CHCHD6: variants seen among roughly 807,000 people sequenced by gnomAD.
The protein encoded by CHCHD6 is MICOS complex subunit MIC25.
Under a neutral mutation model 32.3 loss-of-function variants are expected in CHCHD6, and 28 were observed. That is an observed-to-expected ratio of 0.87 (90% CI 0.64 to 1.19). The LOEUF is 1.19. CHCHD6 is among the 50% of genes most tolerant of loss of function. The probability of loss-of-function intolerance (pLI) is 0.00; values close to 1 mark genes in which losing one functional copy is unlikely to be tolerated. For synonymous variants in CHCHD6, 122 were observed against 117.5 expected (o/e 1.04, Z -0.25); for missense variants, 333 against 307.0 (o/e 1.08, Z -0.63).
chr3:126,941,046 A>G (rs1338226966), intron 6 of CHCHD6, among the ~76,000 whole-genome samples: 1 of 152,166 alleles, frequency 6.6e-6, no homozygotes, highest in African/African-American at 2.4e-5. Flanking sequence ...TTTTGTTGCC[A>G]ATTTTTCTAT....
intron 6 of CHCHD6, among the ~76,000 whole-genome samples, chr3:126,930,953 C>A (rs944340030): frequency 6.6e-6 from 1 of 152,242 alleles, no homozygotes; most frequent in South Asian, 2.1e-4. Flanking sequence ...CCATCTCTTC[C>A]TATCTGCCAA....
intron 4 of CHCHD6, among the ~76,000 whole-genome samples, chr3:126,824,579 A>AAAAAAAAAAAAAC (rs1220698664): frequency 6.7e-6 from 1 of 150,114 alleles, no homozygotes; most frequent in Non-Finnish European, 1.5e-5. Flanking sequence ...AAAAAAAAAA[A>AAAAAAAAAAAAAC]AAGTCAAATG....
chr3:126,772,587 G>C (rs1323104992), intron 4 of CHCHD6, among the ~76,000 whole-genome samples: 1 of 152,114 alleles, frequency 6.6e-6, no homozygotes, highest in East Asian at 1.9e-4. Context: ...CCATTTGCTT[G>C]GTAGATTTTT....
At chr3:126,888,616 G>T (rs2077711033) in intron 5 of CHCHD6, among the ~76,000 whole-genome samples, 1 of 152,178 alleles carries the variant, frequency 6.6e-6, no homozygotes, top group Non-Finnish European at 1.5e-5. Context: ...TTCTGAAAAT[G>T]ATCAGAAGAG....
At chr3:126,749,444 C>T (rs1936637808) in intron 4 of CHCHD6, among the ~76,000 whole-genome samples, 2 of 152,130 alleles carry the variant, frequency 1.3e-5, no homozygotes, top group South Asian at 4.1e-4. Context: ...GGGTTTCTGG[C>T]CTGAGCCAGA....
chr3:126,804,057 C>T (rs926401003), intron 4 of CHCHD6, among the ~76,000 whole-genome samples: 40 of 152,060 alleles, frequency 2.6e-4, no homozygotes, highest in Admixed American at 1.4e-3. Flanking sequence ...GGGACACATT[C>T]AAAGCAGTGT....
At chr3:126,758,417 A>G (rs1040461667) in intron 4 of CHCHD6, among the ~76,000 whole-genome samples, 3 of 152,204 alleles carry the variant, frequency 2.0e-5, no homozygotes, top group African/African-American at 7.2e-5. Flanking sequence ...AAATCAAAGC[A>G]TGTTACACTG....
chr3:126,744,831 G>T (rs186375646), intron 4 of CHCHD6, among the ~76,000 whole-genome samples: 1 of 152,276 alleles, frequency 6.6e-6, no homozygotes, highest in Admixed American at 6.5e-5. Context: ...GGGACTACCG[G>T]CGTGCACCAC....
chr3:126,762,293 T>C (rs1937191589), intron 4 of CHCHD6, among the ~76,000 whole-genome samples: 1 of 152,220 alleles, frequency 6.6e-6, no homozygotes, highest in Admixed American at 6.5e-5. Flanking sequence ...AAATTTCCCC[T>C]TGAGCACTGC....
In CHCHD6 at chr3:126,938,332, A is replaced by T. The variant is rs563363448; in HGVS notation, c.567-19084A>T. 4.6e-5 allele frequency among the ~76,000 whole-genome samples: 7 copies of T among 152,324 alleles called. No individual in the cohort carries two copies. The South Asian group carries it at 1.5e-3, about 32-fold the overall frequency. ...ACCCACTGTGCGTTCGTTCTGTGCC[A>T]CAGGGCTAGTTACAGAACCGCTCTT... is the stretch of plus-strand genomic sequence containing the variant. On this transcript the variant is annotated intron_variant, in intron 6 of 7. Coordinates refer to ENST00000290913, the MANE Select transcript of CHCHD6 (RefSeq NM_032343.3).
chr3:126,836,547 T>C (rs1259631935), intron 4 of CHCHD6, among the ~76,000 whole-genome samples: 2 of 152,216 alleles, frequency 1.3e-5, no homozygotes, highest in African/African-American at 4.8e-5. Flanking sequence ...TGTGTCTCAT[T>C]CATCGCAGGA....
chr3:126,935,880 GC>G (rs1325067639), intron 6 of CHCHD6, among the ~76,000 whole-genome samples: 1 of 152,228 alleles, frequency 6.6e-6, no homozygotes, highest in Non-Finnish European at 1.5e-5. Flanking sequence ...GCATGAACAT[GC>G]ATTTTGAAAG....
intron 5 of CHCHD6, among the ~76,000 whole-genome samples, chr3:126,854,358 A>T (rs144164630): frequency 0.031 from 4,552 of 145,608 alleles, 96 homozygotes; most frequent in Non-Finnish European, 0.041. Flanking sequence ...TGGTGATAAT[A>T]AAAAAAAAAG....
intron 1 of CHCHD6, among the ~76,000 whole-genome samples, chr3:126,726,458 C>G (rs1019959188): frequency 6.6e-6 from 1 of 152,104 alleles, no homozygotes; most frequent in Admixed American, 6.5e-5. Flanking sequence ...TGAGAATTAT[C>G]AAAACATGAC....
At chr3:126,738,740 C>T (rs887180186) in intron 4 of CHCHD6, among the ~76,000 whole-genome samples, 1 of 152,216 alleles carries the variant, frequency 6.6e-6, no homozygotes, top group Non-Finnish European at 1.5e-5. Flanking sequence ...GCACCCATCA[C>T]AGCCTTCTAT....
chr3:126,764,152 A>AAT (rs1006030128), intron 4 of CHCHD6, among the ~76,000 whole-genome samples: 1 of 148,314 alleles, frequency 6.7e-6, no homozygotes, highest in Non-Finnish European at 1.5e-5. Flanking sequence ...TACTCTAAGA[A>AAT]ATATATATAT....
intron 4 of CHCHD6, among the ~76,000 whole-genome samples, chr3:126,785,362 A>C (rs897938027): frequency 1.3e-5 from 2 of 152,212 alleles, no homozygotes; most frequent in Non-Finnish European, 2.9e-5. Context: ...GCTTTGTGTT[A>C]GTTTTCTATT....
intron 1 of CHCHD6, among the ~76,000 whole-genome samples, chr3:126,716,892 A>C (rs943187969): frequency 6.6e-6 from 1 of 152,004 alleles, no homozygotes; most frequent in Non-Finnish European, 1.5e-5. Context: ...GCCTGCTGGG[A>C]GTCAGTTGGT....
At chr3:126,803,208 A>G (rs533399786) in intron 4 of CHCHD6, among the ~76,000 whole-genome samples, 1 of 152,318 alleles carries the variant, frequency 6.6e-6, no homozygotes, top group East Asian at 1.9e-4. Context: ...AAATTCACAC[A>G]TAACAATATT....
Sources: gnomAD v4.1 joint callset for allele counts (sites outside exome capture counted in the v4.1 genomes callset) on GRCh38, gnomAD v4.1.1 for gene constraint, MANE v1.5 for transcripts, NCBI Gene and HGNC (gene_info 2026-07-23, HGNC 2026-07-21) for gene names.